The following GALNT13 variants were observed in gnomAD, a reference collection of about 807,000 sequenced individuals.
The protein encoded by GALNT13 is UDP-GalNAc:polypeptide N-acetylgalactosaminyltransferase 13.
GALNT13 carries 28 observed loss-of-function variants against 64.2 expected under a neutral mutation model. That is an observed-to-expected ratio of 0.44 (90% confidence interval 0.32 to 0.60). The LOEUF (loss-of-function observed/expected upper bound fraction) is 0.60, where lower values mean the gene tolerates loss of function less well. Among genes scored for constraint, GALNT13 ranks in the 20% least tolerant of loss-of-function variants. GALNT13 has a pLI of 0.05. For synonymous variants in GALNT13, 214 were observed against 224.6 expected (o/e 0.95, Z 0.42); for missense variants, 577 against 669.8 (o/e 0.86, Z 1.53).
At chr2:153,772,788 G>A in the GALNT13 span, among the ~76,000 whole-genome samples, 1 of 152,018 alleles carries the variant, frequency 6.6e-6, no homozygotes, top group Admixed American at 6.5e-5. Flanking sequence ...GTATTTTTTT[G>A]GCAGAGATAG....
chr2:154,328,521 A>G (rs747936177), intron 9 of GALNT13, among the ~76,000 whole-genome samples: 6 of 152,112 alleles, frequency 3.9e-5, no homozygotes, highest in Non-Finnish European at 5.9e-5. Context: ...TCTGGTGCAT[A>G]GCTACCAGAG....
At chr2:153,150,649 A>G in the GALNT13 span, among the ~76,000 whole-genome samples, 4 of 152,088 alleles carry the variant, frequency 2.6e-5, no homozygotes, top group Non-Finnish European at 5.9e-5. Flanking sequence ...TAATTTTTGT[A>G]TAATGTGTAA....
intron 4 of GALNT13, among the ~76,000 whole-genome samples, chr2:154,211,722 A>G (rs1300098324): frequency 1.3e-5 from 2 of 151,838 alleles, no homozygotes; most frequent in Admixed American, 1.3e-4. Context: ...TGAGACCACT[A>G]TCCTATATAC....
At chr2:153,096,039 GTAAATAAA>G in the GALNT13 span, among the ~76,000 whole-genome samples, 7 of 150,764 alleles carry the variant, frequency 4.6e-5, no homozygotes, top group Non-Finnish European at 7.4e-5. Flanking sequence ...AATAAAATAA[GTAAATAAA>G]TAAATAAATA....
chr2:153,407,316 C>G, the GALNT13 span, among the ~76,000 whole-genome samples: 1 of 152,170 alleles, frequency 6.6e-6, no homozygotes, highest in Non-Finnish European at 1.5e-5. Flanking sequence ...AATTCTAAAG[C>G]ACTTCAAGGG....
At chr2:153,985,039 C>T (rs1267825518) in intron 3 of GALNT13, among the ~76,000 whole-genome samples, 1 of 151,910 alleles carries the variant, frequency 6.6e-6, no homozygotes, top group Non-Finnish European at 1.5e-5. Context: ...AATCTTTTAT[C>T]TGAAAAATGG....
At chr2:153,597,104 G>T in the GALNT13 span, among the ~76,000 whole-genome samples, 1 of 152,104 alleles carries the variant, frequency 6.6e-6, no homozygotes, top group Non-Finnish European at 1.5e-5. Context: ...TTTACAAAAG[G>T]TTTCTAGGCT....
At chr2:153,881,711 C>A (rs925012055) in intron 1 of GALNT13, among the ~76,000 whole-genome samples, 9 of 152,106 alleles carry the variant, frequency 5.9e-5, no homozygotes, top group African/African-American at 2.2e-4. Flanking sequence ...GCAAATATCT[C>A]AAATAATTTT....
In GALNT13 at chr2:153,877,834, C is replaced by T. The variant is rs1221403329; in HGVS notation, c.-177+5531C>T. Among the ~76,000 whole-genome samples the T allele has an allele frequency of 3.9e-5, 6 of 152,206 alleles. No homozygotes were observed. In the South Asian group the frequency reaches 6.2e-4, roughly 16 times the overall value. ...ATAAATTGATAAAGTGGCTAAAATT[C>T]GTTGGTTGTTTACTTTGTATTTGTA... On this transcript the variant is annotated intron_variant, in intron 1 of 12. Transcript: ENST00000392825.
chr2:153,087,165 A>G, the GALNT13 span, among the ~76,000 whole-genome samples: 7 of 152,054 alleles, frequency 4.6e-5, no homozygotes, highest in Non-Finnish European at 7.4e-5. Context: ...TTCTATGCCA[A>G]TATTGCTGAG....
intron 4 of GALNT13, 136 bp downstream of exon 4, chr2:154,140,641 T>C (rs1415888995): frequency 3.6e-6 from 2 of 556,254 alleles, no homozygotes; most frequent in Admixed American, 7.1e-5. Flanking sequence ...CAGGAATTTA[T>C]TGTGCATGCA....
intron 3 of GALNT13, among the ~76,000 whole-genome samples, chr2:153,959,403 C>T (rs909326566): frequency 2.6e-5 from 4 of 152,132 alleles, no homozygotes; most frequent in Non-Finnish European, 4.4e-5. Context: ...ATTGTCCACT[C>T]ACAATTAACA....
the GALNT13 span, among the ~76,000 whole-genome samples, chr2:153,287,972 T>C: frequency 6.6e-6 from 1 of 152,096 alleles, no homozygotes. Flanking sequence ...ATTCCGTTTG[T>C]CTCTCCTCAA....
chr2:153,083,075 C>A, the GALNT13 span, among the ~76,000 whole-genome samples: 1 of 151,998 alleles, frequency 6.6e-6, no homozygotes, highest in African/African-American at 2.4e-5. Context: ...GATCTGCCCA[C>A]CTTGACCTCC....
chr2:153,587,038 C>T, the GALNT13 span, among the ~76,000 whole-genome samples: 1 of 151,854 alleles, frequency 6.6e-6, no homozygotes, highest in Non-Finnish European at 1.5e-5. Context: ...TTGAGACCAG[C>T]CTGGCCAATG....
At chr2:153,988,441 C>T (rs894590160) in intron 3 of GALNT13, among the ~76,000 whole-genome samples, 3 of 151,842 alleles carry the variant, frequency 2.0e-5, no homozygotes, top group Admixed American at 1.3e-4. Context: ...TTTTGTGCCT[C>T]GCTTATGTCA....
chr2:153,886,905 CAATT>C (rs79440532), intron 1 of GALNT13, among the ~76,000 whole-genome samples: 8,561 of 151,990 alleles, frequency 0.056, 355 homozygotes, highest in South Asian at 0.13. Flanking sequence ...CAGTAAAACA[CAATT>C]AAGTGTTAAA....
chr2:153,436,482 A>G, the GALNT13 span, among the ~76,000 whole-genome samples: 1 of 152,092 alleles, frequency 6.6e-6, no homozygotes, highest in Non-Finnish European at 1.5e-5. Flanking sequence ...TTGGTAAGCT[A>G]TTAATTATTG....
At chr2:154,340,846 C>A (rs998536676) in intron 9 of GALNT13, among the ~76,000 whole-genome samples, 2 of 151,996 alleles carry the variant, frequency 1.3e-5, no homozygotes, top group Non-Finnish European at 2.9e-5. Flanking sequence ...TTTTATCCTT[C>A]CAATAATAGT....
Sources: allele counts gnomAD v4.1 joint callset (sites outside exome capture counted in the v4.1 genomes callset), GRCh38; gene constraint gnomAD v4.1.1; transcripts MANE v1.5; gene names NCBI Gene and HGNC (gene_info 2026-07-23, HGNC 2026-07-21).